METTL13: variants seen among roughly 807,000 people sequenced by gnomAD.
METTL13 encodes eEF1A lysine and N-terminal methyltransferase.
In METTL13, 52 loss-of-function variants were observed where a neutral mutation model predicts 67.4. The observed-to-expected ratio is 0.77, with a 90% CI of 0.62 to 0.97. METTL13 has a LOEUF of 0.97. Ranked by LOEUF, METTL13 falls within the 50% of genes least tolerant of loss-of-function variation. The probability of loss-of-function intolerance (pLI) is 0.00; values close to 1 mark genes in which losing one functional copy is unlikely to be tolerated. For missense variants in METTL13, 825 were observed against 889.6 expected (o/e 0.93, Z 0.92); for synonymous variants, 354 against 353.6 (o/e 1.00, Z -0.01).
chr1:171,785,805 C>G, intron 2 of METTL13, 74 bp from the exon 3 acceptor site: 1 of 1,496,408 alleles, frequency 6.7e-7, no homozygotes, highest in Non-Finnish European at 9.1e-7. Context: ...GACTGGCTCC[C>G]TGCCGTTTGG....
intron 4 of METTL13, among the ~76,000 whole-genome samples, chr1:171,790,227 T>C (rs552732339): frequency 6.6e-6 from 1 of 152,306 alleles, no homozygotes; most frequent in African/African-American, 2.4e-5. Context: ...GCATGGTGGC[T>C]CCGACATTGG....
rs964467306 is a variant in METTL13, at chr1:171,783,820, C to T, written c.234C>T (p.Asp78=). ...GCTATCGGGATATAGTGAACATCGA[C>T]ATCAGTGAGGTTGTCATCAAGCAAA... is the stretch of plus-strand genomic sequence containing the variant. The part of the protein sequence containing the change: ...DVGYRDIVNI[D]ISEVVIKQMK... The change falls in exon 2 of 8, where the codon GAC becomes GAT. Residue 78 remains aspartate, a synonymous_variant. Transcript: ENST00000361735. 6.2e-7 allele frequency: 1 copy of T among 1,614,172 alleles called. No individual in the cohort carries two copies. Among genetic ancestry groups the T allele is most frequent in the Non-Finnish European group, 8.5e-7 (1 of 1,180,042 alleles).
intron 4 of METTL13, 136 bp from the exon 5 acceptor site, chr1:171,790,316 T>C: frequency 3.8e-6 from 3 of 790,972 alleles, no homozygotes; most frequent in Middle Eastern, 7.9e-4. Context: ...GCTATCAACA[T>C]GATGTCAACC....
chr1:171,790,838 G>T (rs950155088), intron 5 of METTL13: 2 of 412,310 alleles, frequency 4.9e-6, no homozygotes, highest in Non-Finnish European at 8.2e-6. Flanking sequence ...GAGTCTAAGT[G>T]GTATTTTTTC....
Position 171,790,465 on chromosome 1 carries a change from GA to G in METTL13, c.1328del (p.Lys443ArgfsTer35), listed in dbSNP as rs1208505597. The G allele has an allele frequency of 8.8e-6, 14 of 1,598,928 alleles. No individual in the cohort carries two copies. The highest frequency in any genetic ancestry group is 1.8e-5 in the Admixed American group (1 of 56,526). On this transcript the variant is annotated frameshift_variant, in exon 5 of 8. Coordinates refer to ENST00000361735, the MANE Select transcript of METTL13 (RefSeq NM_015935.5). LOFTEE classifies it high-confidence loss of function. Reference protein sequence around the residue: ...DVSHKAQKKRKKDRKKQRPAD... With the variant: ...DVSHKAQKKRXKDRKKQRPAD... ...TCTCTTGTTTAGCCCAGAAGAAGCGGAAAAAGGACAGGAAGAAGCAGCGGCC... is the reference window on the plus strand; with the variant it reads ...TCTCTTGTTTAGCCCAGAAGAAGCGGAAAAGGACAGGAAGAAGCAGCGGCC...
intron 7 of METTL13, among the ~76,000 whole-genome samples, chr1:171,796,191 A>G (rs1169400412): frequency 6.6e-6 from 1 of 152,144 alleles, no homozygotes; most frequent in East Asian, 1.9e-4. Flanking sequence ...TCTCAAAGCT[A>G]TTCTTTGAGA....
At chr1:171,782,204 G>A (rs1656849401) in intron 1 of METTL13, 84 bp downstream of exon 1, 1 of 1,215,318 alleles carries the variant, frequency 8.2e-7, no homozygotes, top group Admixed American at 1.8e-5. Context: ...GGTGGACAGT[G>A]ACAGGCGGGA....
In METTL13 at chr1:171,796,578, G is replaced by T; in HGVS notation, c.1922G>T (p.Arg641Leu). The T allele has an allele frequency of 6.2e-7, 1 of 1,614,188 alleles. No homozygotes were observed. Among genetic ancestry groups the T allele is most frequent in the Non-Finnish European group, 8.5e-7 (1 of 1,180,046 alleles). Residue 641 changes from arginine to leucine, a missense_variant, in exon 8 of 8, where the codon CGA becomes CTA. Coordinates refer to ENST00000361735, the MANE Select transcript of METTL13 (RefSeq NM_015935.5). ...KAVFPLLYVR[R>L]IEGEVNEILF... ...GTGTTCCCCCTCCTATATGTCCGGC[G>T]AATTGAGGGTGAAGTGAATGAGATC...
intron 2 of METTL13, among the ~76,000 whole-genome samples, chr1:171,785,663 A>G (rs566537519): frequency 3.3e-5 from 5 of 152,290 alleles, no homozygotes; most frequent in East Asian, 3.9e-4. Context: ...CCCTACGGAC[A>G]TGCCCACACT....
Position 171,786,067 on chromosome 1 carries a change from A to G in METTL13, c.1102A>G (p.Thr368Ala), listed in dbSNP as rs752661645. The change falls in exon 3 of 8, where the codon ACC becomes GCC. Residue 368 changes from threonine to alanine, a missense_variant. Coordinates refer to ENST00000361735, the MANE Select transcript of METTL13 (RefSeq NM_015935.5). ...VMELAPAGMP[T>A]QQQVPFLSVG... is the part of the protein sequence containing the mutation. ...GGAGCTGGCCCCAGCTGGGATGCCC[A>G]CCCAGCAGCAGGTAACAAAGCTTTC... 5.6e-6 allele frequency: 9 copies of G among 1,612,482 alleles called. No individual in the cohort carries two copies. In the East Asian group the frequency reaches 1.3e-4, roughly 24 times the overall value.
In METTL13 at chr1:171,794,377, G is replaced by T; in HGVS notation, c.1694-19G>T. 1 of 1,614,040 alleles carries T rather than the reference G, an allele frequency of 6.2e-7. No individual in the cohort carries two copies. Among genetic ancestry groups the T allele is most frequent in the Non-Finnish European group, 8.5e-7 (1 of 1,179,950 alleles). On this transcript the variant is annotated intron_variant, in intron 6 of 7. Transcript: ENST00000361735. ...TTTTATCCAGCAAAGACAAGGACTT[G>T]TTTCCTTCTTTTTCCCAGCACGGCC...
rs146344565 is a variant in METTL13 at position 171,787,842 on chromosome 1, C to T, written c.1221C>T (p.Asp407=). Residue 407 remains aspartate, a synonymous_variant, in exon 4 of 8, where the codon GAC becomes GAT. Transcript: ENST00000361735. The part of the protein sequence containing the change: ...DYVIEDVQGD[D]KRYFRRLIFL... ...TCATTGAGGATGTGCAAGGGGATGA[C>T]AAGCGATACTTCCGTCGACTGATCT... The T allele has an allele frequency of 7.6e-5, 123 of 1,614,034 alleles. No homozygotes were observed. Among genetic ancestry groups the T allele is most frequent in the Non-Finnish European group, 9.7e-5 (115 of 1,180,038 alleles).
chr1:171,784,503 A>T lies in METTL13; in HGVS notation c.913+4A>T, dbSNP rs755528092. On this transcript the variant is annotated splice_donor_region_variant and intron_variant, in intron 2 of 7. Coordinates refer to ENST00000361735, the MANE Select transcript of METTL13 (RefSeq NM_015935.5). Reference sequence around the variant, plus strand: ...AATCATTTTGCGATTTTCATCAGTGAGTTGGGATTGCTCCCTCTCTTCCCT... The same window carrying T: ...AATCATTTTGCGATTTTCATCAGTGTGTTGGGATTGCTCCCTCTCTTCCCT... 1.8e-5 allele frequency: 27 copies of T among 1,461,958 alleles called. No individual in the cohort carries two copies. The highest frequency in any genetic ancestry group is 1.5e-5 in the Non-Finnish European group (17 of 1,102,544). The allele number at this position is 1,461,958 out of a possible 1,614,324, so 90.6% of individuals were successfully genotyped here.
Position 171,796,217 on chromosome 1 carries a change from T to G in METTL13, c.1826-265T>G, listed in dbSNP as rs113785692. Among the ~76,000 whole-genome samples, 226 of 152,296 alleles carry G rather than the reference T, an allele frequency of 1.5e-3. 1 individual carries two copies. Among genetic ancestry groups the G allele is most frequent in the African/African-American group, 5.1e-3 (214 of 41,566 alleles). ...TTCTTTGAGAAGCTATTTGGGAAACTGAGGCTTGGAGAATGGTAAAATAAC... is the reference window on the plus strand; with the variant it reads ...TTCTTTGAGAAGCTATTTGGGAAACGGAGGCTTGGAGAATGGTAAAATAAC... On this transcript the variant is annotated intron_variant, in intron 7 of 7. Transcript: ENST00000361735.
Position 171,792,171 on chromosome 1 carries a change from C to G in METTL13, c.1629C>G (p.Asp543Glu). ...ATQWFGFSQS[D>E]RMKVHIADGL... ...AGTGGTTTGGCTTCTCCCAGAGTGA[C>G]CGAATGAAGGTCCACATTGCAGATG... is the stretch of plus-strand genomic sequence containing the variant. The change falls in exon 6 of 8, where the codon GAC becomes GAG. Residue 543 changes from aspartate (D) to glutamate (E), a missense_variant. Coordinates refer to ENST00000361735, the MANE Select transcript of METTL13 (RefSeq NM_015935.5). 1 of 1,614,194 alleles carries G rather than the reference C, an allele frequency of 6.2e-7. No individual in the cohort carries two copies. The highest frequency in any genetic ancestry group is 1.7e-5 in the Admixed American group (1 of 60,024).
chr1:171,792,350 T>C (rs1278699500), intron 6 of METTL13, 115 bp downstream of exon 6: 1 of 1,157,396 alleles, frequency 8.6e-7, no homozygotes, highest in African/African-American at 1.5e-5. Context: ...ATCGTTCCAG[T>C]CTTCAGCCTG....
Position 171,796,573 on chromosome 1 carries a change from C to G in METTL13, c.1917C>G (p.Val639=). The G allele has an allele frequency of 6.2e-7, 1 of 1,614,172 alleles. No individual in the cohort carries two copies. Residue 639 remains valine, a synonymous_variant, in exon 8 of 8, where the codon GTC becomes GTG. Transcript: ENST00000361735. ...AGGCAGTGTTCCCCCTCCTATATGT[C>G]CGGCGAATTGAGGGTGAAGTGAATG... ...GLKAVFPLLY[V]RRIEGEVNEI...
At chr1:171,784,635 A>C in intron 2 of METTL13, 136 bp downstream of exon 2, 6 of 1,165,586 alleles carry the variant, frequency 5.1e-6, no homozygotes, top group Non-Finnish European at 5.6e-6. Context: ...AGGGGTTTGT[A>C]CTTCCAGAGG....
rs749159712 is a variant in METTL13, at chr1:171,782,101, A to G, written c.134A>G (p.Tyr45Cys). 8 of 1,613,804 alleles carry G rather than the reference A, an allele frequency of 5.0e-6. No individual in the cohort carries two copies. The highest frequency in any genetic ancestry group is 4.0e-5 in the African/African-American group (3 of 74,870). ...YLELCGVLHK[Y>C]IKPREKVLVI... ...GAACTGTGCGGGGTGCTACATAAAT[A>G]TATCAAGCCCAGGGAAAAGGTGAGG... The change falls in exon 1 of 8, where the codon TAT (tyrosine) becomes TGT (cysteine). Residue 45 changes from tyrosine to cysteine, a missense_variant. Physicochemically the swap from Tyr to Cys is radical, Grantham distance 194. Coordinates refer to ENST00000361735, the MANE Select transcript of METTL13 (RefSeq NM_015935.5).
Sources: gnomAD v4.1 joint callset for allele counts (sites outside exome capture counted in the v4.1 genomes callset) on GRCh38, gnomAD v4.1.1 for gene constraint, MANE v1.5 for transcripts, NCBI Gene and HGNC (gene_info 2026-07-23, HGNC 2026-07-21) for gene names.